HYDIN: variants seen among roughly 807,000 people sequenced by gnomAD.
HYDIN encodes HYDIN axonemal central pair apparatus protein.
In HYDIN, 132 loss-of-function variants were observed where a neutral mutation model predicts 403.9. The observed-to-expected ratio is 0.33, with a 90% CI of 0.28 to 0.38. The LOEUF is 0.38. HYDIN is among the 10% of genes least tolerant of loss of function. HYDIN has a pLI of 1.00. For synonymous variants in HYDIN, 1,202 were observed against 1,891.7 expected (o/e 0.64, Z 9.46); for missense variants, 2,827 against 5,009.5 (o/e 0.56, Z 13.15).
At chr16:71,141,373 A>G (rs2144549074) in intron 7 of HYDIN, among the ~76,000 whole-genome samples, 1 of 152,060 alleles carries the variant, frequency 6.6e-6, no homozygotes, top group East Asian at 1.9e-4. Context: ...ATATATATAA[A>G]ACAATATAAA....
In HYDIN at chr16:70,955,414, C is replaced by T. The variant is rs1383697762; in HGVS notation, c.6277G>A (p.Ala2093Thr). 3 of 1,613,862 alleles carry T rather than the reference C, an allele frequency of 1.9e-6. No individual in the cohort carries two copies. The highest frequency in any genetic ancestry group is 1.1e-5 in the South Asian group (1 of 91,026). The stretch of plus-strand genomic sequence containing the variant: ...TCCTTCACGGACTGCTCTATGGCAG[C>T]CCTGATGCAGAGCTCACGGGCCCGG... ...GIRARELCIR[A>T]AIEQSVKEGE... The change falls in exon 40 of 86, where the codon GCT (alanine) becomes ACT (threonine). Residue 2093 changes from alanine (A) to threonine (T), a missense_variant. Transcript: ENST00000393567.
At chr16:71,038,705 G>A (rs535646108) in intron 18 of HYDIN, among the ~76,000 whole-genome samples, 130 of 152,352 alleles carry the variant, frequency 8.5e-4, no homozygotes, top group South Asian at 4.6e-3. Context: ...CTGTCACCCA[G>A]GCTAGAGTGC....
At chr16:71,130,808 C>G (rs925222665) in intron 8 of HYDIN, among the ~76,000 whole-genome samples, 3 of 129,986 alleles carry the variant, frequency 2.3e-5, no homozygotes, top group East Asian at 1.9e-4. Flanking sequence ...TTTTCTCCCC[C>G]TGTCAACCAT....
Position 71,026,439 on chromosome 16 carries a change from G to C in HYDIN, c.3043-913C>G, listed in dbSNP as rs538071250. ...ATGCTTTTAGTAAAGCTTAAGCTGA[G>C]TTTAGTCCCCCAGCAGCTCAGAATT... On this transcript the variant is annotated intron_variant, in intron 20 of 85. Coordinates refer to ENST00000393567, the MANE Select transcript of HYDIN (RefSeq NM_001270974.2). 1.4e-4 allele frequency among the ~76,000 whole-genome samples: 21 copies of C among 152,226 alleles called. 2 individuals are homozygous for C. The South Asian group carries it at 4.4e-3, about 32-fold the overall frequency.
At chr16:70,865,060 C>T (rs375412980) in intron 67 of HYDIN, 63 of 185,290 alleles carry the variant, frequency 3.4e-4, no homozygotes, top group Non-Finnish European at 5.7e-4. Context: ...AACAAATGCA[C>T]GATGAGTTGA....
intron 23 of HYDIN, among the ~76,000 whole-genome samples, chr16:71,008,485 T>C (rs2079964386): frequency 6.6e-6 from 1 of 152,198 alleles, no homozygotes; most frequent in Admixed American, 6.5e-5. Context: ...TACGGCAGCT[T>C]CCTTTCATTG....
intron 83 of HYDIN, among the ~76,000 whole-genome samples, chr16:70,824,597 G>A (rs11075784): frequency 2.7e-5 from 4 of 148,150 alleles, no homozygotes; most frequent in Admixed American, 6.8e-5. Flanking sequence ...GTGTGATCTC[G>A]GCTCACTGCA....
chr16:70,931,517 T>C (rs1276999521), intron 45 of HYDIN, among the ~76,000 whole-genome samples: 2 of 151,816 alleles, frequency 1.3e-5, no homozygotes, highest in Non-Finnish European at 2.9e-5. Flanking sequence ...TGGGACTTGT[T>C]AGAAATATAG....
intron 3 of HYDIN, 76 bp from the exon 4 acceptor site, chr16:71,179,123 G>A (rs909717673): frequency 4.4e-5 from 49 of 1,116,310 alleles, no homozygotes; most frequent in Middle Eastern, 2.9e-4. Flanking sequence ...AAAATACTAC[G>A]TAGACCTGTG....
chr16:70,995,643 G>C (rs1209421378), intron 23 of HYDIN, among the ~76,000 whole-genome samples: 1 of 152,050 alleles, frequency 6.6e-6, no homozygotes, highest in African/African-American at 2.4e-5. Flanking sequence ...TTAATGTTCT[G>C]TGTTGCAGCT....
intron 23 of HYDIN, among the ~76,000 whole-genome samples, chr16:70,996,803 T>A (rs2079547399): frequency 6.6e-6 from 1 of 151,492 alleles, no homozygotes; most frequent in African/African-American, 2.4e-5. Flanking sequence ...GTCCCCAACC[T>A]TTTTGGCACC....
chr16:71,039,724 CCT>C (rs915357943), intron 18 of HYDIN, among the ~76,000 whole-genome samples: 6 of 152,342 alleles, frequency 3.9e-5, no homozygotes, highest in African/African-American at 1.4e-4. Flanking sequence ...TCCCTTTCCC[CCT>C]GAGAGCCACT....
intron 18 of HYDIN, among the ~76,000 whole-genome samples, chr16:71,051,948 T>C (rs2081665759): frequency 6.6e-6 from 1 of 152,150 alleles, no homozygotes; most frequent in Non-Finnish European, 1.5e-5. Context: ...AAAGGTACCA[T>C]TCACCAAAAG....
chr16:70,933,607 T>C (rs1225216684), intron 45 of HYDIN: 2 of 154,264 alleles, frequency 1.3e-5, no homozygotes, highest in African/African-American at 4.8e-5. Context: ...ATCTCCAAAA[T>C]GATGGTGATG....
intron 7 of HYDIN, among the ~76,000 whole-genome samples, chr16:71,141,240 A>G (rs907209430): frequency 6.6e-6 from 1 of 150,486 alleles, no homozygotes; most frequent in African/African-American, 2.4e-5. Context: ...ATAAAGACAT[A>G]TTTGTAAAAA....
chr16:70,940,723 A>G (rs569242468), intron 43 of HYDIN, among the ~76,000 whole-genome samples: 1 of 152,274 alleles, frequency 6.6e-6, no homozygotes, highest in South Asian at 2.1e-4. Flanking sequence ...ATGAGACTAT[A>G]AAGAAGCTGA....
chr16:71,152,915 A>G, intron 6 of HYDIN, 132 bp from the exon 7 acceptor site: 1 of 625,768 alleles, frequency 1.6e-6, no homozygotes, highest in Non-Finnish European at 2.8e-6. Context: ...CTAGAAGTGA[A>G]GTAGACTTTT....
At chr16:71,133,585 T>C (rs1440989791) in intron 8 of HYDIN, among the ~76,000 whole-genome samples, 1 of 152,180 alleles carries the variant, frequency 6.6e-6, no homozygotes, top group Non-Finnish European at 1.5e-5. Flanking sequence ...CCTTTGAGAA[T>C]TGTAGGAGCT....
In HYDIN at chr16:70,806,272, G is replaced by A. The variant is rs2035101355; in HGVS notation, c.*1308C>T. On this transcript the variant is annotated 3_prime_UTR_variant, in exon 86 of 86. Transcript: ENST00000393567. ...TGTTCAGTACTATCTGTGGTTTCAG[G>A]CATCTACTGGGCACCTTGGAATGTA... Among the ~76,000 whole-genome samples, 1 of 152,138 alleles carries A rather than the reference G, an allele frequency of 6.6e-6. No individual in the cohort carries two copies. Among genetic ancestry groups the A allele is most frequent in the Admixed American group, 6.5e-5 (1 of 15,276 alleles).
Sources: gnomAD v4.1 joint callset for allele counts (sites outside exome capture counted in the v4.1 genomes callset) on GRCh38, gnomAD v4.1.1 for gene constraint, MANE v1.5 for transcripts, NCBI Gene and HGNC (gene_info 2026-07-23, HGNC 2026-07-21) for gene names.